The following SUN1 variants were observed in gnomAD, a reference collection of about 807,000 sequenced individuals.
The protein encoded by SUN1 is Sad1 and UNC84 domain containing 1.
A neutral mutation model predicts 103.2 loss-of-function variants in SUN1; 61 were observed. That is an observed-to-expected ratio of 0.59 (90% CI 0.48 to 0.73). The LOEUF is 0.73. Ranked by LOEUF, SUN1 falls within the 30% of genes least tolerant of loss-of-function variation. The pLI, the probability that SUN1 is intolerant of heterozygous loss-of-function variation, is 0.00. For synonymous variants in SUN1, 490 were observed against 425.7 expected, an observed-to-expected ratio of 1.15 and a Z score of -1.86; for missense variants, 1,052 against 1,034.6, an observed-to-expected ratio of 1.02 and a Z score of -0.23.
Position 819,794 on chromosome 7 carries a change from C to T in SUN1, c.-74+3121C>T, listed in dbSNP as rs148442081. On this transcript the variant is annotated intron_variant, in intron 1 of 17. Transcript: ENST00000389574. ...CGTGATCTCGGCTCACTGCAACCTC[C>T]GCCTCCCAGGTTCAAACGCTTCTCC... is the stretch of plus-strand genomic sequence containing the variant. Among the ~76,000 whole-genome samples, 325 of 150,888 alleles carry T rather than the reference C, an allele frequency of 2.2e-3. 4 individuals are homozygous for T. Among genetic ancestry groups the T allele is most frequent in the African/African-American group, 7.2e-3 (296 of 40,946 alleles).
At position 857,841 on chromosome 7, in the gene SUN1, C is replaced by T; in HGVS notation, c.1408C>T (p.Gln470Ter). 1.9e-6 allele frequency: 3 copies of T among 1,583,340 alleles called. No homozygotes were observed. The highest frequency in any genetic ancestry group is 2.6e-6 in the Non-Finnish European group (3 of 1,159,356). ...KQKTISAVGE[Q>*]LLPTVEHLQL... ...GTTGGATTCCAGTGCGGTTGGTGAG[C>T]AGCTCCTGCCCACAGTCGAGCACCT... Residue 470 changes from glutamine (Q) to a stop codon, truncating the protein, a stop_gained, in exon 13 of 19, where the codon CAG becomes TAG. Coordinates refer to ENST00000401592, the MANE Select transcript of SUN1 (RefSeq NM_001130965.3). LOFTEE classifies it high-confidence loss of function.
In SUN1 at chr7:851,955, G is replaced by A. The variant is rs201864272; in HGVS notation, c.763G>A (p.Ala255Thr). 52 of 1,613,530 alleles carry A rather than the reference G, an allele frequency of 3.2e-5. No homozygotes were observed. The highest frequency in any genetic ancestry group is 4.2e-5 in the Non-Finnish European group (49 of 1,179,760). ...LWLAVVAPGK[A>T]ASGVFWWLGI... ...TTTGGTGTTTTCTCTTGTAGGGAAGGCAGCCTCTGGAGTGTTCTGGTGGCT... is the reference window on the plus strand; with the variant it reads ...TTTGGTGTTTTCTCTTGTAGGGAAGACAGCCTCTGGAGTGTTCTGGTGGCT... The change falls in exon 7 of 19, where the codon GCA becomes ACA. Residue 255 changes from alanine to threonine, a missense_variant. Ala to Thr is a moderately conservative substitution (Grantham distance 58, BLOSUM62 0). Around this residue, in one of 2 missense-constraint regions of SUN1, gnomAD observed 846 missense variants for 774.5 expected, o/e 1.09. Transcript: ENST00000401592.
upstream of SUN1, chr7:832,398 G>A: frequency 1.1e-6 from 1 of 897,588 alleles, no homozygotes; most frequent in Non-Finnish European, 1.8e-6. Flanking sequence ...AGTTTTGAGG[G>A]TGACCTGAGT....
At chr7:844,697 T>C (rs1813499145) in intron 5 of SUN1, among the ~76,000 whole-genome samples, 1 of 152,180 alleles carries the variant, frequency 6.6e-6, no homozygotes. Context: ...CTTGGGTTCC[T>C]CCATGTGGAC....
At chr7:818,070 A>G (rs1455391794) in intron 1 of SUN1, among the ~76,000 whole-genome samples, 2 of 152,018 alleles carry the variant, frequency 1.3e-5, no homozygotes, top group Non-Finnish European at 2.9e-5. Context: ...CCTCTCATTC[A>G]CCTGCTTTTT....
At chr7:823,553 G>A (rs919390111) in intron 1 of SUN1, among the ~76,000 whole-genome samples, 14 of 152,178 alleles carry the variant, frequency 9.2e-5, no homozygotes, top group Admixed American at 2.0e-4. Context: ...CTGGAGCCAC[G>A]GTGGATTCTA....
At chr7:856,611 G>A (rs545422266) in intron 12 of SUN1, among the ~76,000 whole-genome samples, 5 of 152,284 alleles carry the variant, frequency 3.3e-5, no homozygotes, top group East Asian at 1.9e-4. Context: ...TCCACGCGGC[G>A]TGGACCTCTG....
rs1310601000 is a variant in SUN1, at chr7:852,071, G to A, written c.851+28G>A. ...AAGGAAATGGATATCATGTCAGCGT[G>A]GTGCTTTAAGGAACCAATTTTGTGC... On this transcript the variant is annotated intron_variant, in intron 7 of 18. Coordinates refer to ENST00000401592, the MANE Select transcript of SUN1 (RefSeq NM_001130965.3). 1.9e-6 allele frequency: 3 copies of A among 1,604,068 alleles called. No individual in the cohort carries two copies. The South Asian group carries it at 3.3e-5, about 18-fold the overall frequency.
chr7:828,254 G>GT (rs66586867), upstream of SUN1, among the ~76,000 whole-genome samples: 82,704 of 140,698 alleles, frequency 0.59, 22,910 homozygotes, highest in African/African-American at 0.65. Flanking sequence ...TTTTGTTTTT[G>GT]TTTTTGTTTT....
intron 5 of SUN1, chr7:850,243 G>A: frequency 3.6e-6 from 2 of 548,962 alleles, no homozygotes. Context: ...CTGTTGCCCA[G>A]GCTGGAGTGC....
chr7:830,173 C>T (rs1293186473), upstream of SUN1, among the ~76,000 whole-genome samples: 53 of 152,204 alleles, frequency 3.5e-4, no homozygotes, highest in Non-Finnish European at 4.4e-5. Flanking sequence ...GGGAGCCTCT[C>T]ACCTGGCAGC....
In SUN1 at chr7:844,954, G is replaced by C. The variant is rs180752081; in HGVS notation, c.658+1434G>C. Among the ~76,000 whole-genome samples the C allele has an allele frequency of 2.6e-5, 4 of 152,318 alleles. No homozygotes were observed. In the East Asian group the frequency reaches 7.7e-4, roughly 29 times the overall value. On this transcript the variant is annotated intron_variant, in intron 5 of 18. Transcript: ENST00000401592. ...AGCCGTGGCGTAGCTTAATCGACGC[G>C]CACAAGGATTCCGTGTATTCAGTGT...
chr7:829,686 C>G (rs533297399), upstream of SUN1, among the ~76,000 whole-genome samples: 2 of 152,154 alleles, frequency 1.3e-5, no homozygotes, highest in East Asian at 1.9e-4. Context: ...TCCCGAGTAC[C>G]TGGGACTACA....
intron 11 of SUN1, 143 bp downstream of exon 11, chr7:855,149 T>TA: frequency 1.5e-6 from 1 of 668,682 alleles, no homozygotes; most frequent in Non-Finnish European, 2.5e-6. Context: ...AAACACTTGT[T>TA]CTCTGGTGTG....
chr7:843,948 C>A, intron 5 of SUN1: 1 of 1,057,180 alleles, frequency 9.5e-7, no homozygotes, highest in Non-Finnish European at 1.2e-6. Flanking sequence ...TTCCCGTGGT[C>A]GCTAGCCCTG....
Position 869,362 on chromosome 7 carries a change from C to T in SUN1, c.1994C>T (p.Pro665Leu). Residue 665 changes from proline to leucine, a missense_variant, in exon 17 of 19, where the codon CCC becomes CTC. Pro to Leu is a moderately conservative substitution (Grantham distance 98, BLOSUM62 -3). Around this residue, in one of 2 missense-constraint regions of SUN1, gnomAD observed 206 missense variants for 260.1 expected, o/e 0.79. Coordinates refer to ENST00000401592, the MANE Select transcript of SUN1 (RefSeq NM_001130965.3). ...PRVVIQPDIY[P>L]GNCWAFKGSQ... ...TCCTTTCCCCAGCCTGACATTTACCCCGGTAACTGCTGGGCATTTAAAGGC... is the reference window on the plus strand; with the variant it reads ...TCCTTTCCCCAGCCTGACATTTACCTCGGTAACTGCTGGGCATTTAAAGGC... 1 of 1,613,596 alleles carries T rather than the reference C, an allele frequency of 6.2e-7. No homozygotes were observed. Among genetic ancestry groups the T allele is most frequent in the Non-Finnish European group, 8.5e-7 (1 of 1,179,702 alleles).
intron 5 of SUN1, chr7:848,462 T>C (rs1562668331): frequency 7.3e-7 from 1 of 1,364,404 alleles, no homozygotes; most frequent in Admixed American, 1.9e-5. Flanking sequence ...GCTGGCCAGA[T>C]ACACTGCATC....
At chr7:843,822 C>T (rs1812510897) in intron 5 of SUN1, 2 of 1,401,002 alleles carry the variant, frequency 1.4e-6, no homozygotes, top group African/African-American at 1.4e-5. Context: ...AGATGCACAC[C>T]TTTATTTTTA....
chr7:825,866 A>G (rs1234099160), intron 1 of SUN1, among the ~76,000 whole-genome samples: 1 of 151,564 alleles, frequency 6.6e-6, no homozygotes, highest in African/African-American at 2.4e-5. Flanking sequence ...TGAAGATCTA[A>G]GGACGATAAT....
Sources: gnomAD v4.1 joint callset for allele counts (sites outside exome capture counted in the v4.1 genomes callset) on GRCh38, gnomAD v4.1.1 for gene constraint, gnomAD v4.1.1 regional missense constraint, MANE v1.5 for transcripts, NCBI Gene and HGNC (gene_info 2026-07-23, HGNC 2026-07-21) for gene names.